Variants in COG6 observed in about 807,000 individuals in gnomAD.
The protein encoded by COG6 is component of oligomeric golgi complex 6, also known as conserved oligomeric Golgi complex subunit 6.
In COG6, 74 loss-of-function variants were observed where a neutral mutation model predicts 88.8. The observed-to-expected ratio is 0.83, with a 90% CI of 0.69 to 1.01. The LOEUF (loss-of-function observed/expected upper bound fraction) is 1.01, where lower values mean the gene tolerates loss of function less well. COG6 is among the 50% of genes least tolerant of loss of function. COG6 has a pLI of 0.00. For missense variants in COG6, 800 were observed against 797.9 expected (o/e 1.00, Z -0.03); for synonymous variants, 286 against 278.7 (o/e 1.03, Z -0.26).
chr13:39,742,799 A>G (rs536230032), intron 18 of COG6, among the ~76,000 whole-genome samples: 10 of 152,346 alleles, frequency 6.6e-5, no homozygotes, highest in African/African-American at 2.2e-4. Flanking sequence ...AACAGAATAT[A>G]CATTCTTCTC....
rs542843360 is a variant in COG6, at chr13:39,718,953, TA to T, written c.1285-279del. On this transcript the variant is annotated intron_variant, in intron 13 of 18. Transcript: ENST00000455146. ...ACAGTAGGCCATTTTAAATCCATAT[TA>T]AAATGTAATTCTACAATTCAATTGA... Among the ~76,000 whole-genome samples, 1,002 of 152,292 alleles carry T rather than the reference TA, an allele frequency of 6.6e-3. 4 individuals carry two copies. Among genetic ancestry groups the T allele is most frequent in the Non-Finnish European group, 1.0e-2 (678 of 68,024 alleles).
chr13:39,703,436 A>G (rs1877698631), intron 13 of COG6, among the ~76,000 whole-genome samples: 1 of 151,994 alleles, frequency 6.6e-6, no homozygotes, highest in Non-Finnish European at 1.5e-5. Context: ...TGTCTTGTTC[A>G]TTTCTGATAT....
intron 18 of COG6, among the ~76,000 whole-genome samples, chr13:39,759,590 A>G (rs962398128): frequency 1.3e-5 from 2 of 152,260 alleles, no homozygotes; most frequent in South Asian, 4.1e-4. Flanking sequence ...ACAATTACCT[A>G]TCATCTTGAA....
chr13:39,700,007 T>C (rs986515809), intron 13 of COG6, among the ~76,000 whole-genome samples: 1 of 151,872 alleles, frequency 6.6e-6, no homozygotes, highest in African/African-American at 2.4e-5. Flanking sequence ...TGTTACAGTT[T>C]TGTCCTTATG....
intron 10 of COG6, among the ~76,000 whole-genome samples, chr13:39,688,369 G>T (rs1876788025): frequency 6.6e-6 from 1 of 152,148 alleles, no homozygotes; most frequent in Non-Finnish European, 1.5e-5. Flanking sequence ...GGTTCTGCAG[G>T]CAGTAGAGGA....
chr13:39,723,600 G>A (rs1008580294), intron 16 of COG6, among the ~76,000 whole-genome samples, 160 bp downstream of exon 16: 1 of 151,918 alleles, frequency 6.6e-6, no homozygotes, highest in African/African-American at 2.4e-5. Context: ...TGTGGATTGG[G>A]GGTAATAATA....
intron 4 of COG6, among the ~76,000 whole-genome samples, chr13:39,671,375 T>C (rs1875624823): frequency 6.6e-6 from 1 of 151,936 alleles, no homozygotes; most frequent in African/African-American, 2.4e-5. Context: ...GTAACATTTT[T>C]TCCCCACCAA....
At chr13:39,704,680 C>T (rs377454878) in intron 13 of COG6, among the ~76,000 whole-genome samples, 1 of 152,134 alleles carries the variant, frequency 6.6e-6, no homozygotes. Flanking sequence ...TAAAAGGCAA[C>T]TGAAGGATGA....
chr13:39,706,587 A>G (rs1360472177), intron 13 of COG6, among the ~76,000 whole-genome samples: 2 of 150,264 alleles, frequency 1.3e-5, no homozygotes, highest in African/African-American at 4.9e-5. Flanking sequence ...AACAATGAGG[A>G]CTTTTGTGTA....
intron 15 of COG6, among the ~76,000 whole-genome samples, chr13:39,722,675 A>G (rs750171519): frequency 2.6e-5 from 4 of 151,942 alleles, no homozygotes; most frequent in African/African-American, 9.7e-5. Flanking sequence ...TCAACCCATC[A>G]AGGTAGTTCT....
At position 39,723,366 on chromosome 13, in the gene COG6, C is replaced by A. The variant is rs1468334036; in HGVS notation, c.1618C>A (p.Gln540Lys). Residue 540 changes from glutamine (Q) to lysine (K), a missense_variant, in exon 16 of 19, where the codon CAA becomes AAA. Physicochemically the swap from Gln to Lys is moderately conservative, Grantham distance 53 (BLOSUM62 1). Coordinates refer to ENST00000455146, the MANE Select transcript of COG6 (RefSeq NM_020751.3). Reference sequence around the variant, plus strand: ...ACATTTGGACACACTTATAAATGAGCAAGCCTCTTATGTTTTAACTAGGGT... The same window carrying A: ...ACATTTGGACACACTTATAAATGAGAAAGCCTCTTATGTTTTAACTAGGGT... ...EAHLDTLINEQASYVLTRVGL... is the reference protein window; with the variant it reads ...EAHLDTLINEKASYVLTRVGL... 36 of 1,610,856 alleles carry A rather than the reference C, an allele frequency of 2.2e-5. No homozygotes were observed. The highest frequency in any genetic ancestry group is 3.1e-5 in the Non-Finnish European group (36 of 1,177,336).
chr13:39,726,835 A>T (rs544318137), intron 17 of COG6, among the ~76,000 whole-genome samples: 1 of 151,998 alleles, frequency 6.6e-6, no homozygotes, highest in Non-Finnish European at 1.5e-5. Context: ...CATCTTTAAG[A>T]TTTCACTTCA....
chr13:39,663,421 A>C (rs1373447129), intron 3 of COG6, among the ~76,000 whole-genome samples: 3 of 152,218 alleles, frequency 2.0e-5, no homozygotes, highest in Non-Finnish European at 4.4e-5. Context: ...GAAATATTAA[A>C]ATGTAAACAT....
At chr13:39,744,739 G>GA (rs554562754) in intron 18 of COG6, among the ~76,000 whole-genome samples, 27 of 151,316 alleles carry the variant, frequency 1.8e-4, no homozygotes, top group African/African-American at 5.1e-4. Context: ...TTTCGAATTG[G>GA]AAAAAAAACT....
rs530094463 is a variant in COG6 at position 39,672,316 on chromosome 13, A to T, written c.429-5152A>T. ...TATAATTCACATATCATAAAATTAA[A>T]GTATATAGTTTATTGGTTTTAGTAT... On this transcript the variant is annotated intron_variant, in intron 4 of 18. Coordinates refer to ENST00000455146, the MANE Select transcript of COG6 (RefSeq NM_020751.3). Among the ~76,000 whole-genome samples the T allele has an allele frequency of 2.0e-5, 3 of 152,132 alleles. No homozygotes were observed. In the South Asian group the frequency reaches 6.2e-4, roughly 32 times the overall value.
At chr13:39,710,462 G>T (rs1878175308) in intron 13 of COG6, among the ~76,000 whole-genome samples, 2 of 151,960 alleles carry the variant, frequency 1.3e-5, no homozygotes. Context: ...ATGGAAAGTG[G>T]GTATGGAGGA....
chr13:39,712,106 C>T (rs547403697), intron 13 of COG6, among the ~76,000 whole-genome samples: 69 of 152,260 alleles, frequency 4.5e-4, no homozygotes, highest in African/African-American at 1.5e-3. Context: ...GCGATCTGCC[C>T]GCCTCGGCCT....
chr13:39,679,295 C>T, intron 5 of COG6: 2 of 467,042 alleles, frequency 4.3e-6, no homozygotes, highest in South Asian at 2.8e-5. Flanking sequence ...TTTTATTTTC[C>T]TGGCAACTGT....
At chr13:39,658,922 C>T (rs1281142571) in intron 1 of COG6, among the ~76,000 whole-genome samples, 1 of 152,206 alleles carries the variant, frequency 6.6e-6, no homozygotes, top group East Asian at 1.9e-4. Context: ...ACTAGGTATA[C>T]ACAAGTAAGT....
Sources: allele counts gnomAD v4.1 joint callset (sites outside exome capture counted in the v4.1 genomes callset), GRCh38; gene constraint gnomAD v4.1.1; transcripts MANE v1.5; gene names NCBI Gene and HGNC (gene_info 2026-07-23, HGNC 2026-07-21).